The following TENM2 variants were observed in gnomAD, a reference collection of about 807,000 sequenced individuals.
The protein encoded by TENM2 is teneurin-2.
TENM2 carries 52 observed loss-of-function variants against 245.2 expected under a neutral mutation model. The observed-to-expected ratio is 0.21, with a 90% CI of 0.17 to 0.27. The LOEUF (loss-of-function observed/expected upper bound fraction) is 0.27. Ranked by LOEUF, TENM2 falls within the 10% of genes least tolerant of loss-of-function variation. TENM2 has a pLI of 1.00. For missense variants in TENM2, 3,046 were observed against 3,666.8 expected (o/e 0.83, Z 4.37); for synonymous variants, 1,363 against 1,438.9 (o/e 0.95, Z 1.19).
intron 2 of TENM2, among the ~76,000 whole-genome samples, chr5:167,620,620 A>G (rs1391211786): frequency 1.4e-5 from 2 of 147,628 alleles, no homozygotes; most frequent in Admixed American, 1.4e-4. Flanking sequence ...TTTTGAGAAC[A>G]TATATCAATT....
intron 12 of TENM2, among the ~76,000 whole-genome samples, chr5:168,143,721 C>T (rs747290769): frequency 6.6e-5 from 10 of 151,930 alleles, no homozygotes; most frequent in African/African-American, 1.2e-4. Context: ...TTTCACATAC[C>T]GGAAGTGTAG....
the TENM2 span, among the ~76,000 whole-genome samples, chr5:167,031,636 C>T: frequency 6.6e-6 from 1 of 152,148 alleles, no homozygotes; most frequent in Non-Finnish European, 1.5e-5. Context: ...GCCATCTCGG[C>T]TCACTGCAAT....
At chr5:168,222,357 A>C (rs1763742864) in intron 23 of TENM2, among the ~76,000 whole-genome samples, 1 of 152,226 alleles carries the variant, frequency 6.6e-6, no homozygotes, top group South Asian at 2.1e-4. Flanking sequence ...GGCCCTCCAG[A>C]AGACAGAAAT....
chr5:168,227,848 G>C (rs1193047107), intron 24 of TENM2, 47 bp from the exon 27 acceptor site: 1 of 1,246,892 alleles, frequency 8.0e-7, no homozygotes, highest in Non-Finnish European at 1.1e-6. Flanking sequence ...GACTAATAGA[G>C]CGGATAATTT....
At chr5:167,649,887 T>C (rs1200495290) in intron 2 of TENM2, among the ~76,000 whole-genome samples, 1 of 152,212 alleles carries the variant, frequency 6.6e-6, no homozygotes, top group African/African-American at 2.4e-5. Context: ...TGCATTCTTA[T>C]GCATGTATGT....
chr5:167,849,547 T>C (rs1770377152), intron 2 of TENM2, among the ~76,000 whole-genome samples: 1 of 152,096 alleles, frequency 6.6e-6, no homozygotes, highest in Admixed American at 6.5e-5. Flanking sequence ...ATTCTGACAC[T>C]ATCTACCTGG....
the TENM2 span, among the ~76,000 whole-genome samples, chr5:167,121,928 T>G: frequency 6.6e-6 from 1 of 152,206 alleles, no homozygotes; most frequent in African/African-American, 2.4e-5. Context: ...TTTGATATAT[T>G]GCAAGCAGCT....
chr5:167,473,156 T>G (rs1307042021), intron 2 of TENM2, among the ~76,000 whole-genome samples: 1 of 152,230 alleles, frequency 6.6e-6, no homozygotes, highest in Non-Finnish European at 1.5e-5. Context: ...TATGATTAAT[T>G]TTTGTGTTAT....
intron 1 of TENM2, among the ~76,000 whole-genome samples, chr5:167,325,496 A>G (rs1037026844): frequency 6.6e-6 from 1 of 152,160 alleles, no homozygotes; most frequent in African/African-American, 2.4e-5. Flanking sequence ...GAGAAGCCCA[A>G]TTCTGCAAAT....
intron 2 of TENM2, among the ~76,000 whole-genome samples, chr5:167,378,995 C>G (rs1309043740): frequency 6.6e-6 from 1 of 151,316 alleles, no homozygotes; most frequent in African/African-American, 2.4e-5. Flanking sequence ...CTAGAAATGG[C>G]AGTAAGTGAA....
At chr5:168,096,225 A>G (rs892547426) in intron 8 of TENM2, among the ~76,000 whole-genome samples, 3 of 152,234 alleles carry the variant, frequency 2.0e-5, no homozygotes, top group Non-Finnish European at 4.4e-5. Flanking sequence ...GACATTCAGA[A>G]ACATGACAGA....
chr5:167,061,715 A>G, the TENM2 span, among the ~76,000 whole-genome samples: 1 of 152,166 alleles, frequency 6.6e-6, no homozygotes, highest in Non-Finnish European at 1.5e-5. Flanking sequence ...GTAACTTTTT[A>G]CACAATCCCT....
chr5:167,117,538 C>T, the TENM2 span, among the ~76,000 whole-genome samples: 3 of 151,944 alleles, frequency 2.0e-5, no homozygotes, highest in Admixed American at 2.0e-4. Context: ...GAAGCCTAAC[C>T]ATAAAAACAT....
At chr5:167,486,075 A>T (rs1194368318) in intron 2 of TENM2, among the ~76,000 whole-genome samples, 1 of 152,186 alleles carries the variant, frequency 6.6e-6, no homozygotes, top group East Asian at 1.9e-4. Context: ...TGAGAAAAAA[A>T]AAATTATGGA....
the TENM2 span, among the ~76,000 whole-genome samples, chr5:167,151,659 C>G: frequency 6.6e-6 from 1 of 152,096 alleles, no homozygotes; most frequent in Non-Finnish European, 1.5e-5. Context: ...GCTGGGACTA[C>G]AGGCACCCGC....
intron 2 of TENM2, among the ~76,000 whole-genome samples, chr5:167,427,496 G>A (rs1442860128): frequency 6.7e-6 from 1 of 149,330 alleles, no homozygotes; most frequent in Non-Finnish European, 1.5e-5. Flanking sequence ...AGCAAGGGGA[G>A]GAAGAGAAGG....
At chr5:167,024,538 C>G in the TENM2 span, among the ~76,000 whole-genome samples, 1 of 152,032 alleles carries the variant, frequency 6.6e-6, no homozygotes, top group African/African-American at 2.4e-5. Flanking sequence ...GCTGGGAAGG[C>G]TATTTTATAT....
At chr5:167,443,195 G>C (rs560714493) in intron 2 of TENM2, among the ~76,000 whole-genome samples, 5 of 152,112 alleles carry the variant, frequency 3.3e-5, no homozygotes, top group Admixed American at 2.0e-4. Context: ...TTTATCCTTT[G>C]AAATAATGAG....
At chr5:167,139,927 T>A in the TENM2 span, among the ~76,000 whole-genome samples, 14 of 152,316 alleles carry the variant, frequency 9.2e-5, no homozygotes, top group Non-Finnish European at 1.3e-4. Flanking sequence ...AAAATGCTAG[T>A]CATTTTGACA....
Sources: allele counts gnomAD v4.1 joint callset (sites outside exome capture counted in the v4.1 genomes callset), GRCh38; gene constraint gnomAD v4.1.1; transcripts MANE v1.5; gene names NCBI Gene and HGNC (gene_info 2026-07-23, HGNC 2026-07-21).